Variants in ADGRA2 observed in about 807,000 individuals in gnomAD.
The protein encoded by ADGRA2 is G-protein coupled receptor 124.
ADGRA2 carries 61 observed loss-of-function variants against 98.7 expected under a neutral mutation model. The ratio of observed to expected loss-of-function variants is 0.62; its 90% CI spans 0.50 to 0.76. The LOEUF (loss-of-function observed/expected upper bound fraction) is 0.76, where lower values mean the gene tolerates loss of function less well. Among genes scored for constraint, ADGRA2 ranks in the 30% least tolerant of loss-of-function variants. The pLI, the probability that ADGRA2 is intolerant of heterozygous loss-of-function variation, is 0.00. For missense variants in ADGRA2, 1,712 were observed against 1,860.0 expected, an observed-to-expected ratio of 0.92 and a Z score of 1.46; for synonymous variants, 858 against 831.5, an observed-to-expected ratio of 1.03 and a Z score of -0.55.
Position 37,840,226 on chromosome 8 carries a change from G to T in ADGRA2, c.2617G>T (p.Glu873Ter), listed in dbSNP as rs775911317. 1 of 1,613,044 alleles carries T rather than the reference G, an allele frequency of 6.2e-7. No homozygotes were observed. The highest frequency in any genetic ancestry group is 1.7e-5 in the Admixed American group (1 of 60,016). The change falls in exon 17 of 19, where the codon GAA becomes TAA. Residue 873 changes from glutamate to a stop codon, truncating the protein, a stop_gained. Coordinates refer to ENST00000412232, the MANE Select transcript of ADGRA2 (RefSeq NM_032777.10). LOFTEE classifies it high-confidence loss of function. ...CACCTGGAGGGCACCCCCTCCGCAA[G>T]AAGGGGACCCCGCTCTGCCTACTCC... ...ELTWRAPPPQEGDPALPTPSP... is the reference protein window; with the variant it reads ...ELTWRAPPPQ
In ADGRA2 at chr8:37,842,913, G is replaced by A. The variant is rs911910002; in HGVS notation, c.*558G>A. On this transcript the variant is annotated 3_prime_UTR_variant, in exon 19 of 19. Coordinates refer to ENST00000412232, the MANE Select transcript of ADGRA2 (RefSeq NM_032777.10). ...CTTTTCAGATCCACTATGCAAGAGG[G>A]GAGGGTGGGGCCACGTGAAAGGCAG... is the stretch of plus-strand genomic sequence containing the variant. 6.5e-5 allele frequency: 10 copies of A among 152,854 alleles called. No homozygotes were observed. The highest frequency in any genetic ancestry group is 2.4e-4 in the African/African-American group (10 of 41,470). 9.5% of individuals were successfully genotyped at this position (152,854 alleles called of 1,614,324 possible).
At chr8:37,829,355 G>A (rs747555259) in intron 4 of ADGRA2, 23 bp downstream of exon 4, 76 of 1,602,690 alleles carry the variant, frequency 4.7e-5, no homozygotes, top group Non-Finnish European at 6.0e-6. Flanking sequence ...GTGAGAAGTG[G>A]GGAGGGGAGG....
chr8:37,818,099 T>C (rs1805028727), intron 2 of ADGRA2, among the ~76,000 whole-genome samples: 1 of 152,184 alleles, frequency 6.6e-6, no homozygotes, highest in Non-Finnish European at 1.5e-5. Context: ...ATTCGAGAGC[T>C]CTGTGTCCTC....
At chr8:37,828,169 C>T (rs72641968) in intron 2 of ADGRA2, among the ~76,000 whole-genome samples, 18,190 of 149,330 alleles carry the variant, frequency 0.12, 1,363 homozygotes, top group Middle Eastern at 0.21. Context: ...ACAACTACCC[C>T]TCCCATGCGT....
chr8:37,840,856 A>AGGGCCCC lies in ADGRA2; in HGVS notation c.2747+7_2747+8insGGGCCCC. 5 of 1,483,340 alleles carry AGGGCCCC rather than the reference A, an allele frequency of 3.4e-6. No individual in the cohort carries two copies. Among genetic ancestry groups the AGGGCCCC allele is most frequent in the Non-Finnish European group, 4.7e-6 (5 of 1,067,516 alleles). The allele number at this position is 1,483,340 out of a possible 1,614,324, so 91.9% of individuals were successfully genotyped here. A position where few individuals can be genotyped will look rare whatever the true frequency, so the allele number is the denominator to read the frequency against. On this transcript the variant is annotated splice_region_variant and intron_variant, in intron 18 of 18. Coordinates refer to ENST00000412232, the MANE Select transcript of ADGRA2 (RefSeq NM_032777.10). ...ACCGGGACCACAGCCCCTAGTGAGCACCCCTCCCTCCCGCCCCAAGCCTAC... is the reference window on the plus strand; with the variant it reads ...ACCGGGACCACAGCCCCTAGTGAGCAGGGCCCCCCCCTCCCTCCCGCCCCAAGCCTAC...
rs772675064 is a variant in ADGRA2 at position 37,840,155 on chromosome 8, C to T, written c.2546C>T (p.Thr849Met). 23 of 1,609,244 alleles carry T rather than the reference C, an allele frequency of 1.4e-5. No homozygotes were observed. The East Asian group carries it at 2.2e-4, about 16-fold the overall frequency. ...GITLHYSSLS[T>M]LLWMGVKARV... Reference sequence around the variant, plus strand: ...ACCCTGCACTACTCCTCCCTATCCACGCTGCTCTGGATGGGCGTGAAGGCG... The same window carrying T: ...ACCCTGCACTACTCCTCCCTATCCATGCTGCTCTGGATGGGCGTGAAGGCG... The change falls in exon 17 of 19, where the codon ACG becomes ATG. Residue 849 changes from threonine to methionine, a missense_variant. Physicochemically the swap from Thr to Met is moderately conservative, Grantham distance 81 (BLOSUM62 -1). Transcript: ENST00000412232.
intron 2 of ADGRA2, among the ~76,000 whole-genome samples, chr8:37,818,545 G>A (rs1464559080): frequency 6.6e-6 from 1 of 152,250 alleles, no homozygotes; most frequent in Non-Finnish European, 1.5e-5. Context: ...TGCGATGTAG[G>A]AGCAGTACTA....
chr8:37,819,600 C>G (rs7014542), intron 2 of ADGRA2, among the ~76,000 whole-genome samples: 54,268 of 152,086 alleles, frequency 0.36, 11,936 homozygotes, highest in African/African-American at 0.62. Context: ...TCGATCTCTT[C>G]ACCTTGTGAT....
At chr8:37,832,476 A>G (rs1224249426) in intron 8 of ADGRA2, among the ~76,000 whole-genome samples, 1 of 151,974 alleles carries the variant, frequency 6.6e-6, no homozygotes, top group Non-Finnish European at 1.5e-5. Context: ...AGCTGGGACT[A>G]CAGGCGCAGA....
At chr8:37,829,054 C>T in intron 3 of ADGRA2, 95 bp downstream of exon 3, 2 of 895,660 alleles carry the variant, frequency 2.2e-6, no homozygotes, top group South Asian at 3.4e-5. Context: ...TCTCACCCCC[C>T]CACACCTGCC....
rs1163232742 is a variant in ADGRA2, at chr8:37,844,472, G to T, written c.*2117G>T. On this transcript the variant is annotated 3_prime_UTR_variant, in exon 19 of 19. Transcript: ENST00000412232. ...TCAAGCTGTCAGAACAGGATGAAGTGCTCCCAGTGGATATCCATCAGGGAG... is the reference window on the plus strand; with the variant it reads ...TCAAGCTGTCAGAACAGGATGAAGTTCTCCCAGTGGATATCCATCAGGGAG... 6.2e-7 allele frequency: 1 copy of T among 1,608,446 alleles called. No homozygotes were observed. Among genetic ancestry groups the T allele is most frequent in the Non-Finnish European group, 8.5e-7 (1 of 1,177,242 alleles).
rs1225199283 is a variant in ADGRA2, at chr8:37,802,330, C to T, written c.266+4796C>T. 2.6e-5 allele frequency among the ~76,000 whole-genome samples: 4 copies of T among 152,206 alleles called. No homozygotes were observed. The highest frequency in any genetic ancestry group is 5.9e-5 in the Non-Finnish European group (4 of 68,032). The stretch of plus-strand genomic sequence containing the variant: ...GGGCGGGCCCAGGCCGGCGCCTCCA[C>T]CCCCTTCTCTTCCACCAGCTTTCCC... On this transcript the variant is annotated intron_variant, in intron 1 of 18. Coordinates refer to ENST00000412232, the MANE Select transcript of ADGRA2 (RefSeq NM_032777.10). The surrounding 1 kb of genome is among the most constrained non-coding windows in gnomAD (Gnocchi z 4.7).
chr8:37,838,810 A>G, intron 14 of ADGRA2, 146 bp from the exon 15 acceptor site: 1 of 888,074 alleles, frequency 1.1e-6, no homozygotes, highest in Non-Finnish European at 1.7e-6. Context: ...CTAAGAGTGG[A>G]CAGCCCGAAG....
intron 1 of ADGRA2, among the ~76,000 whole-genome samples, chr8:37,798,769 C>G (rs1804416344): frequency 6.6e-6 from 1 of 152,236 alleles, no homozygotes; most frequent in Admixed American, 6.5e-5. Flanking sequence ...CGCTTCCTGA[C>G]AGGACACAAC....
rs765040936 is a variant in ADGRA2, at chr8:37,839,600, A to G, written c.2489A>G (p.Asn830Ser). ...TTTGCGGGGGGCATCACACTCACCAACTACCAGATGGTCTGCCAGGCGGTA... is the reference window on the plus strand; with the variant it reads ...TTTGCGGGGGGCATCACACTCACCAGCTACCAGATGGTCTGCCAGGCGGTA... Reference protein sequence around the residue: ...AVFAGGITLTNYQMVCQAVGI... With the variant: ...AVFAGGITLTSYQMVCQAVGI... The change falls in exon 16 of 19, where the codon AAC becomes AGC. Residue 830 changes from asparagine (N) to serine (S), a missense_variant. Asn to Ser is a conservative substitution (Grantham distance 46). Transcript: ENST00000412232. The G allele has an allele frequency of 6.2e-7, 1 of 1,614,008 alleles. No individual in the cohort carries two copies. Among genetic ancestry groups the G allele is most frequent in the South Asian group, 1.1e-5 (1 of 91,068 alleles).
chr8:37,810,572 A>T (rs2129929757), intron 1 of ADGRA2, among the ~76,000 whole-genome samples: 1 of 152,014 alleles, frequency 6.6e-6, no homozygotes. Context: ...ATCACAGCTC[A>T]CTGCAGCCTC....
chr8:37,837,910 C>A lies in ADGRA2; in HGVS notation c.2230C>A (p.Gln744Lys). Residue 744 changes from glutamine to lysine, a missense_variant, in exon 14 of 19, where the codon CAG (glutamine) becomes AAG (lysine). Transcript: ENST00000412232. The part of the protein sequence containing the change: ...SQPNVSALHC[Q>K]HLGNVAVLME... ...GCCCAATGTCAGCGCCCTGCACTGC[C>A]AGCACTTGGGCAATGTGGCCGTGCT... is the stretch of plus-strand genomic sequence containing the variant. 2 of 1,469,976 alleles carry A rather than the reference C, an allele frequency of 1.4e-6. No individual in the cohort carries two copies. The highest frequency in any genetic ancestry group is 4.9e-5 in the East Asian group (2 of 40,660). The allele number at this position is 1,469,976 out of a possible 1,614,324, so 91.1% of individuals were successfully genotyped here.
Position 37,814,812 on chromosome 8 carries a change from G to T in ADGRA2, c.267-84G>T. ...TCCAGGGGGCGCCATTGACAAAGATGCAAGCTGGCCCCACCAGTGGTGAAA... is the reference window on the plus strand; with the variant it reads ...TCCAGGGGGCGCCATTGACAAAGATTCAAGCTGGCCCCACCAGTGGTGAAA... On this transcript the variant is annotated intron_variant, in intron 1 of 18. Transcript: ENST00000412232. This position sits in a 1 kb window ranked among gnomAD's most constrained non-coding sequence, Gnocchi z 4.3. 1.0e-6 allele frequency: 1 copy of T among 978,268 alleles called. No individual in the cohort carries two copies. The highest frequency in any genetic ancestry group is 1.7e-5 in the Admixed American group (1 of 57,482). 60.6% of individuals were successfully genotyped at this position (978,268 alleles called of 1,614,324 possible).
chr8:37,835,747 C>T lies in ADGRA2; in HGVS notation c.2027C>T (p.Thr676Ile), dbSNP rs747192822. Residue 676 changes from threonine to isoleucine, a missense_variant, in exon 13 of 19, where the codon ACC becomes ATC. Physicochemically the swap from Thr to Ile is moderately conservative, Grantham distance 89. Transcript: ENST00000412232. ...CCTGGCAAGAGGCGTGGCGTGGCCA[C>T]CCCCGTCATCTTCGCAGGAACCAGT... ...AGPGKRRGVATPVIFAGTSGC... is the reference protein window; with the variant it reads ...AGPGKRRGVAIPVIFAGTSGC... 8 of 1,611,948 alleles carry T rather than the reference C, an allele frequency of 5.0e-6. No homozygotes were observed. Among genetic ancestry groups the T allele is most frequent in the Non-Finnish European group, 6.8e-6 (8 of 1,178,622 alleles).
Sources: allele counts gnomAD v4.1 joint callset (sites outside exome capture counted in the v4.1 genomes callset), GRCh38; gene constraint gnomAD v4.1.1; non-coding constraint Gnocchi (gnomAD v3.1); transcripts MANE v1.5; gene names NCBI Gene and HGNC (gene_info 2026-07-23, HGNC 2026-07-21).